The following HDGFL3 variants were observed in gnomAD, a reference collection of about 807,000 sequenced individuals.
HDGFL3 encodes hepatoma-derived growth factor-related protein 3.
Under a neutral mutation model 27.6 loss-of-function variants are expected in HDGFL3, and 6 were observed. That is an observed-to-expected ratio of 0.22 (90% CI 0.12 to 0.43). The LOEUF (loss-of-function observed/expected upper bound fraction) is 0.43, where lower values mean the gene tolerates loss of function less well. Ranked by LOEUF, HDGFL3 falls within the 20% of genes least tolerant of loss-of-function variation. The probability of loss-of-function intolerance (pLI) is 1.00; values close to 1 mark genes in which losing one functional copy is unlikely to be tolerated. For missense variants in HDGFL3, 207 were observed against 250.1 expected, an observed-to-expected ratio of 0.83 and a Z score of 1.16; for synonymous variants, 88 against 88.9, an observed-to-expected ratio of 0.99 and a Z score of 0.05.
At chr15:83,170,815 C>G (rs2037236082) in intron 1 of HDGFL3, among the ~76,000 whole-genome samples, 1 of 148,906 alleles carries the variant, frequency 6.7e-6, no homozygotes, top group Non-Finnish European at 1.5e-5. Flanking sequence ...TATCTGCAAA[C>G]TATGCATCCA....
rs1335832244 is a variant in HDGFL3, at chr15:83,207,477, C to A, written c.-63G>T. On this transcript the variant is annotated 5_prime_UTR_variant, in exon 1 of 6. Transcript: ENST00000299633. This position sits in a 1 kb window ranked among gnomAD's most constrained non-coding sequence, Gnocchi z 4.8. ...CGAAGATGCCGGGAGGCCGCCCCCCCGCGGGCCGACGAATTGCGCCGCGCT... is the reference window on the plus strand; with the variant it reads ...CGAAGATGCCGGGAGGCCGCCCCCCAGCGGGCCGACGAATTGCGCCGCGCT... The A allele has an allele frequency of 2.5e-5, 30 of 1,193,576 alleles. No homozygotes were observed. Among genetic ancestry groups the A allele is most frequent in the South Asian group, 7.2e-5 (2 of 27,802 alleles). 73.9% of individuals were successfully genotyped at this position (1,193,576 alleles called of 1,614,324 possible).
At chr15:83,146,230 C>T (rs2036889969) in intron 5 of HDGFL3, among the ~76,000 whole-genome samples, 1 of 152,210 alleles carries the variant, frequency 6.6e-6, no homozygotes. Flanking sequence ...ACTGTAAATA[C>T]TGTCTTAAGC....
At chr15:83,144,502 T>C (rs1473660172) in intron 5 of HDGFL3, 1 of 456,104 alleles carries the variant, frequency 2.2e-6, no homozygotes, top group Non-Finnish European at 4.4e-6. Context: ...ACTGACACTT[T>C]ACTGCTTACT....
At chr15:83,147,925 A>G (rs1208651710) in intron 5 of HDGFL3, among the ~76,000 whole-genome samples, 1 of 152,244 alleles carries the variant, frequency 6.6e-6, no homozygotes, top group East Asian at 1.9e-4. Context: ...GAGAAGTCCT[A>G]CAAATCAGTA....
chr15:83,207,495 G>T lies in HDGFL3; in HGVS notation c.-81C>A. The T allele has an allele frequency of 9.2e-7, 1 of 1,085,398 alleles. No individual in the cohort carries two copies. Among genetic ancestry groups the T allele is most frequent in the Non-Finnish European group, 1.2e-6 (1 of 848,412 alleles). 67.2% of individuals were successfully genotyped at this position (1,085,398 alleles called of 1,614,324 possible). On this transcript the variant is annotated 5_prime_UTR_variant, in exon 1 of 6. Transcript: ENST00000299633. The surrounding 1 kb of genome is among the most constrained non-coding windows in gnomAD (Gnocchi z 4.8). ...GCCCCCCCGCGGGCCGACGAATTGC[G>T]CCGCGCTCCCCGCGGGCCTCAAGCC...
intron 3 of HDGFL3, among the ~76,000 whole-genome samples, chr15:83,117,730 T>C (rs1210649014): frequency 1.3e-5 from 2 of 151,354 alleles, no homozygotes; most frequent in Non-Finnish European, 2.9e-5. Flanking sequence ...AGAGAGGAGA[T>C]GGGGCTTGGT....
chr15:83,188,132 T>C (rs897806390), intron 1 of HDGFL3, among the ~76,000 whole-genome samples: 2 of 152,222 alleles, frequency 1.3e-5, no homozygotes, highest in South Asian at 4.1e-4. Context: ...CTCTTTTAAA[T>C]TTGTATTTCC....
chr15:83,158,166 C>T, intron 2 of HDGFL3, 125 bp from the exon 3 acceptor site: 1 of 756,712 alleles, frequency 1.3e-6, no homozygotes, highest in Non-Finnish European at 2.0e-6. Context: ...CATATAAACC[C>T]TTCAAGTTAG....
exon 4 of HDGFL3, chr15:83,112,810 G>T (rs1250913810): frequency 1.2e-6 from 2 of 1,614,010 alleles, no homozygotes; most frequent in South Asian, 2.2e-5. Flanking sequence ...CTGGACTATT[G>T]TAGGGGTTGC....
chr15:83,158,113 A>G, intron 2 of HDGFL3, 72 bp from the exon 3 acceptor site: 1 of 1,307,646 alleles, frequency 7.6e-7, no homozygotes, highest in South Asian at 1.3e-5. Context: ...TATCAGTATC[A>G]GTGAAGATGT....
chr15:83,165,241 C>A (rs1356135858), intron 1 of HDGFL3, among the ~76,000 whole-genome samples: 1 of 152,180 alleles, frequency 6.6e-6, no homozygotes, highest in Admixed American at 6.5e-5. Context: ...GTCACTCTCT[C>A]AAAGCAAGAT....
At chr15:83,206,490 A>C (rs1419847744) in intron 1 of HDGFL3, among the ~76,000 whole-genome samples, 3 of 152,258 alleles carry the variant, frequency 2.0e-5, no homozygotes, top group Admixed American at 2.0e-4. Context: ...AGAGCTTAAT[A>C]AAAATTGTGA....
intron 1 of HDGFL3, among the ~76,000 whole-genome samples, chr15:83,199,943 G>C (rs989644969): frequency 1.3e-5 from 2 of 150,820 alleles, no homozygotes; most frequent in African/African-American, 4.9e-5. Flanking sequence ...CTACTCAGGA[G>C]ACTGAGGCAG....
chr15:83,124,725 G>T (rs775502808), downstream of HDGFL3: 3 of 1,614,138 alleles, frequency 1.9e-6, no homozygotes, highest in South Asian at 3.3e-5. Flanking sequence ...TTGATTTAAT[G>T]TTGGTTGTGT....
At chr15:83,120,852 CACCGTGCCCGG>C in intron 3 of HDGFL3, among the ~76,000 whole-genome samples, 1 of 151,816 alleles carries the variant, frequency 6.6e-6, no homozygotes, top group East Asian at 1.9e-4. Context: ...AGGCGTGAAC[CACCGTGCCCGG>C]CTCCAGCTCA....
At chr15:83,127,449 C>G (rs1290288352), downstream of HDGFL3, 1 of 1,613,828 alleles carries the variant, frequency 6.2e-7, no homozygotes, top group East Asian at 2.2e-5. Context: ...CCTGACATCA[C>G]ATTGATACAT....
Position 83,151,111 on chromosome 15 carries a change from T to C in HDGFL3, c.606+104A>G, listed in dbSNP as rs762924549. On this transcript the variant is annotated intron_variant, in intron 5 of 5. Transcript: ENST00000299633. Reference sequence around the variant, plus strand: ...GCATATAATAGGCTGAGAATACTTCTCCATTTATCAACACAATGTTTACTA... The same window carrying C: ...GCATATAATAGGCTGAGAATACTTCCCCATTTATCAACACAATGTTTACTA... 1.3e-4 allele frequency: 138 copies of C among 1,056,720 alleles called. 1 individual carries two copies. Among genetic ancestry groups the C allele is most frequent in the Non-Finnish European group, 1.8e-4 (132 of 716,830 alleles). The allele number at this position is 1,056,720 out of a possible 1,614,324, so 65.5% of individuals were successfully genotyped here.
At chr15:83,180,672 G>C (rs796300005) in intron 1 of HDGFL3, 5 of 136,364 alleles carry the variant, frequency 3.7e-5, no homozygotes, top group African/African-American at 1.4e-4. Flanking sequence ...TTGAGACGGA[G>C]TCTCACTCTG....
intron 5 of HDGFL3, 32 bp from the exon 6 acceptor site, chr15:83,139,307 C>G: frequency 1.5e-6 from 2 of 1,360,964 alleles, no homozygotes; most frequent in Non-Finnish European, 2.0e-6. Context: ...AGAAAACAAG[C>G]CTTTAGATGA....
Sources: gnomAD v4.1 joint callset for allele counts (sites outside exome capture counted in the v4.1 genomes callset) on GRCh38, gnomAD v4.1.1 for gene constraint, Gnocchi (gnomAD v3.1) non-coding constraint, MANE v1.5 for transcripts, NCBI Gene and HGNC (gene_info 2026-07-23, HGNC 2026-07-21) for gene names.